RGS17: variants seen among roughly 807,000 people sequenced by gnomAD.
RGS17 encodes regulator of G-protein signaling 17.
In RGS17, 12 loss-of-function variants were observed where a neutral mutation model predicts 25.5. That is an observed-to-expected ratio of 0.47 (90% CI 0.30 to 0.76). The LOEUF is 0.76. Among genes scored for constraint, RGS17 ranks in the 30% least tolerant of loss-of-function variants. The pLI, the probability that RGS17 is intolerant of heterozygous loss-of-function variation, is 0.07. For synonymous variants in RGS17, 71 were observed against 76.9 expected (o/e 0.92, Z 0.40); for missense variants, 196 against 242.2 (o/e 0.81, Z 1.27).
rs373477611 is a variant in RGS17, at chr6:153,130,411, A to C, written c.-26+713T>G. On this transcript the variant is annotated intron_variant, in intron 1 of 4. Transcript: ENST00000206262. The surrounding 1 kb of genome is among the most constrained non-coding windows in gnomAD (Gnocchi z 6.4). ...TCCACCCCGCGCCGCACACGCCAGG[A>C]CTCCCTTTCCTTTGACTAAGGGGAG... Among the ~76,000 whole-genome samples, 35 of 150,912 alleles carry C rather than the reference A, an allele frequency of 2.3e-4. No homozygotes were observed. Among genetic ancestry groups the C allele is most frequent in the East Asian group, 1.4e-3 (7 of 5,044 alleles).
At chr6:153,120,082 G>A (rs1328712081) in intron 1 of RGS17, among the ~76,000 whole-genome samples, 1 of 152,182 alleles carries the variant, frequency 6.6e-6, no homozygotes, top group Non-Finnish European at 1.5e-5. Context: ...TCAAAAATAA[G>A]TTCAAAATAA....
At chr6:153,042,985 C>T (rs1776341254) in intron 2 of RGS17, among the ~76,000 whole-genome samples, 1 of 152,170 alleles carries the variant, frequency 6.6e-6, no homozygotes, top group Non-Finnish European at 1.5e-5. Context: ...CACTTGTAAA[C>T]TGTATGTTAA....
intron 2 of RGS17, among the ~76,000 whole-genome samples, chr6:153,034,036 G>A (rs1353661333): frequency 6.6e-6 from 1 of 152,154 alleles, no homozygotes; most frequent in Admixed American, 6.6e-5. Context: ...TTAGAAGGCT[G>A]GGTCCCTATC....
At chr6:153,054,772 C>T (rs7749708) in intron 1 of RGS17, among the ~76,000 whole-genome samples, 58,829 of 151,236 alleles carry the variant, frequency 0.39, 12,113 homozygotes, top group East Asian at 0.62. Context: ...GCTTTATTTG[C>T]GCTCTTCTGA....
intron 1 of RGS17, among the ~76,000 whole-genome samples, chr6:153,128,122 T>G (rs1777729915): frequency 6.6e-6 from 1 of 152,178 alleles, no homozygotes. Context: ...AAAGGATTAT[T>G]TTAAGGTTTT....
At chr6:153,037,774 T>A (rs2129109210) in intron 2 of RGS17, among the ~76,000 whole-genome samples, 1 of 152,344 alleles carries the variant, frequency 6.6e-6, no homozygotes, top group Non-Finnish European at 1.5e-5. Context: ...TTTACAAAAA[T>A]GCCTGGCAGC....
At chr6:153,078,474 G>A (rs895045094) in intron 1 of RGS17, among the ~76,000 whole-genome samples, 5 of 151,612 alleles carry the variant, frequency 3.3e-5, no homozygotes, top group African/African-American at 2.4e-5. Context: ...CAGAGTTTAG[G>A]TCTTGCACAT....
intron 2 of RGS17, among the ~76,000 whole-genome samples, chr6:153,042,973 T>C (rs1776341154): frequency 6.6e-6 from 1 of 152,336 alleles, no homozygotes; most frequent in East Asian, 1.9e-4. Flanking sequence ...GGCTAGAAGA[T>C]CCACTTGTAA....
chr6:153,013,250 T>C (rs1324655888), intron 4 of RGS17, among the ~76,000 whole-genome samples: 2 of 152,220 alleles, frequency 1.3e-5, no homozygotes, highest in African/African-American at 4.8e-5. Flanking sequence ...TAAGGTGATC[T>C]GTGATCAGTG....
chr6:153,099,511 G>T (rs796955265), intron 1 of RGS17, among the ~76,000 whole-genome samples: 1 of 151,794 alleles, frequency 6.6e-6, no homozygotes, highest in Non-Finnish European at 1.5e-5. Context: ...AAATATATTC[G>T]GAAAAAAAAT....
At chr6:153,051,841 C>A (rs1454708450) in intron 1 of RGS17, among the ~76,000 whole-genome samples, 1 of 152,076 alleles carries the variant, frequency 6.6e-6, no homozygotes, top group African/African-American at 2.4e-5. Flanking sequence ...ACCAAGCCAC[C>A]ATTTGATAAG....
At chr6:153,079,117 C>T (rs957780550) in intron 1 of RGS17, among the ~76,000 whole-genome samples, 6 of 150,926 alleles carry the variant, frequency 4.0e-5, no homozygotes, top group Non-Finnish European at 7.4e-5. Flanking sequence ...CTTGCTCTGT[C>T]ACCCAGGCTG....
intron 2 of RGS17, among the ~76,000 whole-genome samples, chr6:153,035,337 T>C (rs1375979155): frequency 6.6e-6 from 1 of 152,126 alleles, no homozygotes; most frequent in African/African-American, 2.4e-5. Context: ...CAGTCCAGCA[T>C]GATTATTATA....
In RGS17 at chr6:153,109,129, GT is replaced by G. The variant is rs1428652515; in HGVS notation, c.-26+21994del. On this transcript the variant is annotated intron_variant, in intron 1 of 4. Transcript: ENST00000206262. ...AACGATAATACAGGAAGTAAATGTA[GT>G]TTCTTACTCCATGGTTTGAAAAATC... Among the ~76,000 whole-genome samples the G allele has an allele frequency of 1.3e-4, 19 of 151,850 alleles. 3 individuals are homozygous for G. The highest frequency in any genetic ancestry group is 1.2e-3 in the Admixed American group (18 of 15,250).
intron 1 of RGS17, among the ~76,000 whole-genome samples, chr6:153,071,200 TACAC>T (rs930748988): frequency 6.6e-6 from 1 of 150,544 alleles, no homozygotes; most frequent in Non-Finnish European, 1.5e-5. Context: ...TCAATATATA[TACAC>T]ACAGTCTATA....
At chr6:153,070,715 A>G (rs1776779934) in intron 1 of RGS17, among the ~76,000 whole-genome samples, 1 of 148,292 alleles carries the variant, frequency 6.7e-6, no homozygotes, top group South Asian at 2.1e-4. Flanking sequence ...ATACATATAT[A>G]TATACACATA....
At chr6:153,064,237 C>A (rs768376227) in intron 1 of RGS17, among the ~76,000 whole-genome samples, 2 of 152,218 alleles carry the variant, frequency 1.3e-5, no homozygotes, top group African/African-American at 4.8e-5. Context: ...TTATTCTAAG[C>A]AGAAAGACTA....
At chr6:153,038,689 A>G (rs1317747237) in intron 2 of RGS17, among the ~76,000 whole-genome samples, 1 of 152,170 alleles carries the variant, frequency 6.6e-6, no homozygotes, top group African/African-American at 2.4e-5. Context: ...TTTCTTTACC[A>G]TGGTGCAGGC....
intron 1 of RGS17, among the ~76,000 whole-genome samples, chr6:153,072,246 C>T (rs1167486638): frequency 6.6e-6 from 1 of 152,040 alleles, no homozygotes; most frequent in African/African-American, 2.4e-5. Flanking sequence ...TTGCTCTATT[C>T]CAAATAATTC....
Sources: gnomAD v4.1 joint callset for allele counts (sites outside exome capture counted in the v4.1 genomes callset) on GRCh38, gnomAD v4.1.1 for gene constraint, Gnocchi (gnomAD v3.1) non-coding constraint, MANE v1.5 for transcripts, NCBI Gene and HGNC (gene_info 2026-07-23, HGNC 2026-07-21) for gene names.